Variants in GRIP1 observed in about 807,000 individuals in gnomAD.
The protein encoded by GRIP1 is glutamate receptor-interacting protein 1.
A neutral mutation model predicts 129.9 loss-of-function variants in GRIP1; 45 were observed. The ratio of observed to expected loss-of-function variants is 0.35; its 90% confidence interval spans 0.27 to 0.44. GRIP1 has a LOEUF of 0.44. Ranked by LOEUF, GRIP1 falls within the 20% of genes least tolerant of loss-of-function variation. The pLI is 1.00. For missense variants in GRIP1, 1,196 were observed against 1,396.8 expected (o/e 0.86, Z 2.29); for synonymous variants, 530 against 520.8 (o/e 1.02, Z -0.24).
intron 1 of GRIP1, among the ~76,000 whole-genome samples, chr12:66,829,674 C>G (rs2039482693): frequency 6.6e-6 from 1 of 152,158 alleles, no homozygotes; most frequent in Admixed American, 6.5e-5. Context: ...GTAGTAGATT[C>G]CCATTTGTGT....
At chr12:66,783,545 T>C (rs957320606) in intron 1 of GRIP1, among the ~76,000 whole-genome samples, 2 of 152,210 alleles carry the variant, frequency 1.3e-5, no homozygotes, top group Non-Finnish European at 2.9e-5. Flanking sequence ...CTCAGAGAGA[T>C]GATCTTGCAA....
At chr12:67,057,750 C>T (rs1431087295) in intron 1 of GRIP1, among the ~76,000 whole-genome samples, 1 of 152,224 alleles carries the variant, frequency 6.6e-6, no homozygotes, top group Non-Finnish European at 1.5e-5. Context: ...AGATGCAGCA[C>T]TACAGGTGTC....
intron 1 of GRIP1, among the ~76,000 whole-genome samples, chr12:66,915,009 T>C (rs1388486430): frequency 1.3e-5 from 2 of 152,226 alleles, no homozygotes; most frequent in Non-Finnish European, 2.9e-5. Context: ...CTCTATTTTA[T>C]GGACATAAAT....
intron 1 of GRIP1, among the ~76,000 whole-genome samples, chr12:66,634,801 T>C (rs748438398): frequency 6.6e-6 from 1 of 152,234 alleles, no homozygotes; most frequent in Non-Finnish European, 1.5e-5. Flanking sequence ...CTAGAACCCC[T>C]GCCTACGGGG....
chr12:66,423,275 C>CCATACA (rs1430288475), intron 14 of GRIP1, among the ~76,000 whole-genome samples: 1 of 152,138 alleles, frequency 6.6e-6, no homozygotes, highest in Non-Finnish European at 1.5e-5. Flanking sequence ...ACAGTGCTTA[C>CCATACA]CATACAGTTT....
At chr12:66,966,666 C>T (rs1026053823) in intron 1 of GRIP1, among the ~76,000 whole-genome samples, 2 of 152,082 alleles carry the variant, frequency 1.3e-5, no homozygotes, top group Non-Finnish European at 1.5e-5. Context: ...GAGTATTTAT[C>T]TTTGTAAAAT....
At chr12:66,740,173 C>T (rs1165027244) in intron 1 of GRIP1, among the ~76,000 whole-genome samples, 3 of 152,148 alleles carry the variant, frequency 2.0e-5, no homozygotes, top group Non-Finnish European at 4.4e-5. Context: ...TATGCCATGT[C>T]TGTTAGATCA....
At chr12:66,713,289 G>C (rs2035767780) in intron 1 of GRIP1, among the ~76,000 whole-genome samples, 1 of 152,020 alleles carries the variant, frequency 6.6e-6, no homozygotes. Flanking sequence ...TGTCTAGCCA[G>C]TGATTTTCTT....
intron 1 of GRIP1, among the ~76,000 whole-genome samples, chr12:66,782,247 TAA>T (rs752145625): frequency 2.0e-4 from 30 of 152,154 alleles, no homozygotes; most frequent in African/African-American, 6.3e-4. Context: ...TTGTGTTTGA[TAA>T]AGAGATATTA....
intron 7 of GRIP1, among the ~76,000 whole-genome samples, chr12:66,474,440 A>G (rs1375870174): frequency 6.6e-6 from 1 of 152,182 alleles, no homozygotes; most frequent in Non-Finnish European, 1.5e-5. Flanking sequence ...CCAACCTAGC[A>G]AGGCAGGCCA....
rs73333018 is a variant in GRIP1, at chr12:66,922,929, C to A, written c.58+146121G>T. Among the ~76,000 whole-genome samples, 1,420 of 152,254 alleles carry A rather than the reference C, an allele frequency of 9.3e-3. 24 individuals are homozygous for A. Among genetic ancestry groups the A allele is most frequent in the African/African-American group, 0.032 (1,341 of 41,538 alleles). ...TGTGCTGAATGCACTATACATTAAA[C>A]AAATTCCATTTAAGATCTAGCAAAA... is the stretch of plus-strand genomic sequence containing the variant. On this transcript the variant is annotated intron_variant, in intron 1 of 1. Transcript: ENST00000643019.
intron 16 of GRIP1, among the ~76,000 whole-genome samples, chr12:66,405,163 A>G (rs1270064852): frequency 6.6e-6 from 1 of 152,254 alleles, no homozygotes; most frequent in Admixed American, 6.5e-5. Context: ...GTCTCACTGC[A>G]TTAAAAACCA....
At chr12:66,407,096 A>T (rs1043520255) in intron 15 of GRIP1, among the ~76,000 whole-genome samples, 2 of 152,240 alleles carry the variant, frequency 1.3e-5, no homozygotes, top group Non-Finnish European at 2.9e-5. Context: ...ATGTATATAT[A>T]CACAGATTTG....
intron 2 of GRIP1, among the ~76,000 whole-genome samples, chr12:66,574,573 T>C (rs918405254): frequency 6.6e-6 from 1 of 152,254 alleles, no homozygotes; most frequent in Non-Finnish European, 1.5e-5. Context: ...TTTATAAACC[T>C]TCCTAGAATA....
rs11837604 is a variant in GRIP1 at position 67,054,269 on chromosome 12, C to A, written c.58+14781G>T. On this transcript the variant is annotated intron_variant, in intron 1 of 1. Transcript: ENST00000643019. The stretch of plus-strand genomic sequence containing the variant: ...CTTAGTAACACAACCTGAGAGATTT[C>A]ATTTATTTAACAGATATTTACTAAG... Among the ~76,000 whole-genome samples the A allele has an allele frequency of 9.9e-3, 1,510 of 152,340 alleles. 17 individuals carry two copies. The highest frequency in any genetic ancestry group is 0.034 in the Middle Eastern group (10 of 294).
intron 14 of GRIP1, among the ~76,000 whole-genome samples, chr12:66,425,946 C>T (rs554614937): frequency 7.4e-4 from 113 of 152,062 alleles, no homozygotes; most frequent in African/African-American, 2.5e-3. Context: ...ACATTGTGCA[C>T]GTGTACCCTA....
chr12:67,053,348 A>G (rs2043378801), intron 1 of GRIP1, among the ~76,000 whole-genome samples: 1 of 152,182 alleles, frequency 6.6e-6, no homozygotes, highest in Non-Finnish European at 1.5e-5. Context: ...TAAAATGTAA[A>G]CTCATTTTAT....
At chr12:66,493,731 G>A (rs1422252740) in intron 7 of GRIP1, among the ~76,000 whole-genome samples, 1 of 152,194 alleles carries the variant, frequency 6.6e-6, no homozygotes, top group African/African-American at 2.4e-5. Flanking sequence ...TAAAGGGCAA[G>A]AGTTAACAGA....
chr12:66,722,115 C>A (rs142289437), intron 1 of GRIP1, among the ~76,000 whole-genome samples: 58 of 152,260 alleles, frequency 3.8e-4, no homozygotes, highest in African/African-American at 1.3e-3. Context: ...CTTTTAATTT[C>A]TTTCAAGGAG....
Sources: gnomAD v4.1 joint callset for allele counts (sites outside exome capture counted in the v4.1 genomes callset) on GRCh38, gnomAD v4.1.1 for gene constraint, MANE v1.5 for transcripts, NCBI Gene and HGNC (gene_info 2026-07-23, HGNC 2026-07-21) for gene names.